Variants in GRM7 observed in about 807,000 individuals in gnomAD.
GRM7 encodes the protein glutamate metabotropic receptor 7.
GRM7 carries 35 observed loss-of-function variants against 84.5 expected under a neutral mutation model. The ratio of observed to expected loss-of-function variants is 0.41; its 90% CI spans 0.32 to 0.55. The LOEUF is 0.55. GRM7 is among the 20% of genes least tolerant of loss of function. The probability of loss-of-function intolerance (pLI) is 0.19; values close to 1 mark genes in which losing one functional copy is unlikely to be tolerated. For missense variants in GRM7, 1,003 were observed against 1,194.6 expected, an observed-to-expected ratio of 0.84 and a Z score of 2.36; for synonymous variants, 487 against 455.1, an observed-to-expected ratio of 1.07 and a Z score of -0.89.
chr3:6,972,102 T>A (rs1325385175), intron 1 of GRM7, among the ~76,000 whole-genome samples: 1 of 152,168 alleles, frequency 6.6e-6, no homozygotes, highest in Admixed American at 6.5e-5. Context: ...CTGTCATCAT[T>A]TCCAGTTAAA....
chr3:7,488,665 T>G (rs1345785118), intron 7 of GRM7, among the ~76,000 whole-genome samples: 1 of 152,172 alleles, frequency 6.6e-6, no homozygotes, highest in Non-Finnish European at 1.5e-5. Context: ...TTCTTAGACT[T>G]CCCACTCCCC....
intron 1 of GRM7, among the ~76,000 whole-genome samples, chr3:7,136,026 A>G (rs1693758295): frequency 6.6e-6 from 1 of 152,144 alleles, no homozygotes; most frequent in Admixed American, 6.6e-5. Context: ...TCTGCCTAGT[A>G]GCAGTTTACT....
At chr3:7,206,460 T>C (rs1013325769) in intron 2 of GRM7, among the ~76,000 whole-genome samples, 1 of 152,158 alleles carries the variant, frequency 6.6e-6, no homozygotes, top group African/African-American at 2.4e-5. Flanking sequence ...AAAAAATTTC[T>C]GGAAAGGAAA....
intron 8 of GRM7, among the ~76,000 whole-genome samples, chr3:7,596,955 T>A (rs1189138874): frequency 1.3e-5 from 2 of 152,008 alleles, no homozygotes; most frequent in Non-Finnish European, 2.9e-5. Flanking sequence ...TTCAGAAGAG[T>A]GAGGAGATCA....
At chr3:7,664,004 C>G (rs913957921) in intron 8 of GRM7, among the ~76,000 whole-genome samples, 1 of 152,184 alleles carries the variant, frequency 6.6e-6, no homozygotes, top group Admixed American at 6.5e-5. Context: ...TCAAACATCT[C>G]TAATGCGTGC....
intron 1 of GRM7, among the ~76,000 whole-genome samples, chr3:7,015,135 A>ACC (rs367819980): frequency 2.8e-5 from 4 of 144,374 alleles, no homozygotes; most frequent in African/African-American, 1.0e-4. Flanking sequence ...CCTACACCCC[A>ACC]CCCCCCCATA....
chr3:6,879,280 T>C (rs936557241), intron 1 of GRM7, among the ~76,000 whole-genome samples: 3 of 152,208 alleles, frequency 2.0e-5, no homozygotes, highest in Admixed American at 6.5e-5. Context: ...ACTTATATTA[T>C]TTTCAATTGA....
chr3:7,373,272 C>A (rs1694213553), intron 4 of GRM7, among the ~76,000 whole-genome samples: 1 of 152,148 alleles, frequency 6.6e-6, no homozygotes, highest in East Asian at 1.9e-4. Flanking sequence ...CAGTACCCAA[C>A]AGTTGGGTCA....
rs188820242 is a variant in GRM7, at chr3:7,284,574, T to C, written c.737-14110T>C. ...CTGGGTAAGAAACCTAAGGCTAAAT[T>C]TTCATTCTCTGATTCGGGTTTACTC... is the stretch of plus-strand genomic sequence containing the variant. On this transcript the variant is annotated intron_variant, in intron 2 of 9. Coordinates refer to ENST00000357716, the MANE Select transcript of GRM7 (RefSeq NM_000844.4). 2.0e-5 allele frequency among the ~76,000 whole-genome samples: 3 copies of C among 152,226 alleles called. No homozygotes were observed. The East Asian group carries it at 5.8e-4, about 29-fold the overall frequency.
chr3:7,235,900 T>G (rs1350114546), intron 2 of GRM7, among the ~76,000 whole-genome samples: 1 of 152,208 alleles, frequency 6.6e-6, no homozygotes, highest in Non-Finnish European at 1.5e-5. Context: ...CTGTCTTAGT[T>G]TGTGCCTGCT....
At chr3:6,898,699 C>G (rs1477477934) in intron 1 of GRM7, among the ~76,000 whole-genome samples, 3 of 151,664 alleles carry the variant, frequency 2.0e-5, no homozygotes, top group Non-Finnish European at 4.4e-5. Context: ...TGGAGGGGTA[C>G]CAGGTGTGGT....
chr3:7,364,502 A>G (rs1693797464), intron 4 of GRM7, among the ~76,000 whole-genome samples: 1 of 151,546 alleles, frequency 6.6e-6, no homozygotes, highest in Admixed American at 6.6e-5. Flanking sequence ...ATTTGTATTT[A>G]TTTATATAAT....
chr3:7,593,456 T>A (rs967712026), intron 8 of GRM7, among the ~76,000 whole-genome samples: 3 of 151,968 alleles, frequency 2.0e-5, no homozygotes, highest in Admixed American at 1.3e-4. Context: ...AGTGAGACAA[T>A]ATGCAAACAA....
intron 4 of GRM7, among the ~76,000 whole-genome samples, chr3:7,408,190 T>C (rs1695764043): frequency 6.6e-6 from 1 of 152,178 alleles, no homozygotes; most frequent in African/African-American, 2.4e-5. Context: ...ATATGTATTG[T>C]TTATATCTAT....
chr3:7,466,792 G>A (rs1334252578), intron 7 of GRM7, among the ~76,000 whole-genome samples: 1 of 152,038 alleles, frequency 6.6e-6, no homozygotes, highest in Non-Finnish European at 1.5e-5. Context: ...CATTGGTTAC[G>A]ATAGACCAAC....
At chr3:7,583,855 G>C (rs1695387852) in intron 8 of GRM7, among the ~76,000 whole-genome samples, 1 of 152,134 alleles carries the variant, frequency 6.6e-6, no homozygotes, top group Non-Finnish European at 1.5e-5. Flanking sequence ...TGCGTGTACT[G>C]TGCCCTTGGT....
At chr3:7,132,246 G>A (rs574112106) in intron 1 of GRM7, among the ~76,000 whole-genome samples, 43 of 152,242 alleles carry the variant, frequency 2.8e-4, no homozygotes, top group Non-Finnish European at 1.8e-4. Context: ...GGGGGGAAGG[G>A]ATTATGGGTC....
chr3:6,896,141 C>A (rs1696173864), intron 1 of GRM7, among the ~76,000 whole-genome samples: 1 of 152,102 alleles, frequency 6.6e-6, no homozygotes, highest in Admixed American at 6.6e-5. Flanking sequence ...AGTTTGGAAG[C>A]CATTCCAAAG....
At chr3:7,653,616 C>T (rs1275923722) in intron 8 of GRM7, among the ~76,000 whole-genome samples, 1 of 152,114 alleles carries the variant, frequency 6.6e-6, no homozygotes, top group African/African-American at 2.4e-5. Flanking sequence ...TGGTTAGTCT[C>T]ATTAAACCAA....
Sources: allele counts gnomAD v4.1 joint callset (sites outside exome capture counted in the v4.1 genomes callset), GRCh38; gene constraint gnomAD v4.1.1; transcripts MANE v1.5; gene names NCBI Gene and HGNC (gene_info 2026-07-23, HGNC 2026-07-21).